The following BLNK variants were observed in gnomAD, a reference collection of about 807,000 sequenced individuals.
BLNK encodes B cell linker, also known as B-cell linker protein.
A neutral mutation model predicts 73.5 loss-of-function variants in BLNK; 29 were observed. That is an observed-to-expected ratio of 0.39 (90% CI 0.29 to 0.54). The LOEUF is 0.54. Ranked by LOEUF, BLNK falls within the 20% of genes least tolerant of loss-of-function variation. BLNK has a pLI of 0.61. For synonymous variants in BLNK, 176 were observed against 200.8 expected, an observed-to-expected ratio of 0.88 and a Z score of 1.04; for missense variants, 460 against 562.8, an observed-to-expected ratio of 0.82 and a Z score of 1.85.
chr10:96,246,089 A>G (rs1308396578), intron 2 of BLNK, among the ~76,000 whole-genome samples: 2 of 152,134 alleles, frequency 1.3e-5, no homozygotes, highest in Admixed American at 6.5e-5. Flanking sequence ...AGGTACGTCT[A>G]CCTTAGATTT....
At chr10:96,197,292 G>GA (rs1421940892) in intron 15 of BLNK, among the ~76,000 whole-genome samples, 2 of 151,248 alleles carry the variant, frequency 1.3e-5, no homozygotes, top group Non-Finnish European at 2.9e-5. Flanking sequence ...TGCCTTTTTT[G>GA]AAAAAAAGGT....
chr10:96,219,610 G>A (rs1554900685), intron 6 of BLNK, among the ~76,000 whole-genome samples: 1 of 152,126 alleles, frequency 6.6e-6, no homozygotes, highest in Non-Finnish European at 1.5e-5. Context: ...TCTTTCCTCT[G>A]TATTCTTAAT....
chr10:96,195,762 T>C (rs1265588694), intron 16 of BLNK, among the ~76,000 whole-genome samples: 1 of 152,248 alleles, frequency 6.6e-6, no homozygotes, highest in Non-Finnish European at 1.5e-5. Context: ...TACTGAGCTG[T>C]ACACTTAAAA....
At chr10:96,202,239 CA>C (rs1473987676) in intron 13 of BLNK, among the ~76,000 whole-genome samples, 1 of 152,058 alleles carries the variant, frequency 6.6e-6, no homozygotes, top group Non-Finnish European at 1.5e-5. Flanking sequence ...GGGTTTTGAA[CA>C]GGGGGGTAAC....
chr10:96,256,368 T>G (rs1805643923), intron 1 of BLNK, among the ~76,000 whole-genome samples: 1 of 152,230 alleles, frequency 6.6e-6, no homozygotes, highest in South Asian at 2.1e-4. Flanking sequence ...TTTTTTAAAC[T>G]TAAAATTTAA....
At chr10:96,264,342 G>A (rs939211941) in intron 1 of BLNK, among the ~76,000 whole-genome samples, 2 of 152,128 alleles carry the variant, frequency 1.3e-5, no homozygotes, top group African/African-American at 4.8e-5. Flanking sequence ...TTGGTTAGGT[G>A]GACTTAAAAG....
intron 16 of BLNK, among the ~76,000 whole-genome samples, chr10:96,193,027 A>G (rs587672088): frequency 6.6e-6 from 1 of 152,314 alleles, no homozygotes; most frequent in African/African-American, 2.4e-5. Context: ...AAGTAGCTAC[A>G]TATTGAATAA....
intron 1 of BLNK, among the ~76,000 whole-genome samples, chr10:96,250,868 G>A (rs1554908958): frequency 6.6e-6 from 1 of 152,186 alleles, no homozygotes; most frequent in East Asian, 1.9e-4. Context: ...AGTTACTGAA[G>A]TGTTGCATAA....
chr10:96,214,339 T>C (rs2084014482), intron 8 of BLNK, among the ~76,000 whole-genome samples: 1 of 152,038 alleles, frequency 6.6e-6, no homozygotes, highest in African/African-American at 2.4e-5. Flanking sequence ...ACCAGGAACA[T>C]TCATGGTTTG....
Position 96,191,644 on chromosome 10 carries a change from C to T in BLNK, c.*329G>A, listed in dbSNP as rs1275572373. The T allele has an allele frequency of 4.6e-6, 1 of 216,590 alleles. No individual in the cohort carries two copies. Among genetic ancestry groups the T allele is most frequent in the Non-Finnish European group, 9.2e-6 (1 of 108,436 alleles). 13.4% of individuals were successfully genotyped at this position (216,590 alleles called of 1,614,324 possible). On this transcript the variant is annotated 3_prime_UTR_variant, in exon 17 of 17. Transcript: ENST00000224337. Reference sequence around the variant, plus strand: ...TCATTGTGGAGGTTTAAATTTCCAGCCACTTTGTTTTATGCAAGAGCATTA... The same window carrying T: ...TCATTGTGGAGGTTTAAATTTCCAGTCACTTTGTTTTATGCAAGAGCATTA...
At chr10:96,249,707 G>C (rs1182702989) in intron 1 of BLNK, among the ~76,000 whole-genome samples, 1 of 152,212 alleles carries the variant, frequency 6.6e-6, no homozygotes, top group African/African-American at 2.4e-5. Flanking sequence ...GCGATGGCAG[G>C]GGGTGGTAGC....
At chr10:96,216,453 A>G in intron 7 of BLNK, 200 bp downstream of exon 7, 1 of 608,432 alleles carries the variant, frequency 1.6e-6, no homozygotes, top group South Asian at 1.9e-5. Flanking sequence ...AGGGGAAGGC[A>G]GGGAAGGGCT....
chr10:96,249,019 G>A (rs913887939), intron 1 of BLNK, among the ~76,000 whole-genome samples: 1 of 152,204 alleles, frequency 6.6e-6, no homozygotes, highest in Admixed American at 6.5e-5. Context: ...CTTAAAAAAT[G>A]TATAATAAAA....
intron 6 of BLNK, among the ~76,000 whole-genome samples, chr10:96,217,992 G>A (rs1554900225): frequency 2.6e-5 from 4 of 152,166 alleles, no homozygotes. Context: ...GAGATTAGAA[G>A]TCCAGTTTCA....
Position 96,242,907 on chromosome 10 carries a change from C to G in BLNK, c.114-123G>C, listed in dbSNP as rs1842923275. On this transcript the variant is annotated intron_variant, in intron 2 of 16. Transcript: ENST00000224337. ...AATAGCATAATGGCTTCTCTTGGACCAATCAATGGACAGATTTGATGTATT... is the reference window on the plus strand; with the variant it reads ...AATAGCATAATGGCTTCTCTTGGACGAATCAATGGACAGATTTGATGTATT... 4 of 842,104 alleles carry G rather than the reference C, an allele frequency of 4.8e-6. No homozygotes were observed. In the Admixed American group the frequency reaches 5.3e-5, roughly 11 times the overall value. The allele number at this position is 842,104 out of a possible 1,614,324, so 52.2% of individuals were successfully genotyped here.
intron 3 of BLNK, among the ~76,000 whole-genome samples, chr10:96,236,260 A>G (rs1842686369): frequency 6.6e-6 from 1 of 152,120 alleles, no homozygotes; most frequent in South Asian, 2.1e-4. Context: ...CTCCCCCAAC[A>G]GAGCAGGTGG....
In BLNK at chr10:96,200,074, C is replaced by T; in HGVS notation, c.1095+1G>A. ...ATAATAAATAATAAAAATGATCAGA[C>T]CTTGTTTGATCTGTGCAATGCCTCT... is the stretch of plus-strand genomic sequence containing the variant. On this transcript the variant is annotated splice_donor_variant, in intron 15 of 16. Coordinates refer to ENST00000224337, the MANE Select transcript of BLNK (RefSeq NM_013314.4). LOFTEE classifies it high-confidence loss of function. This position sits in a 1 kb window ranked among gnomAD's most constrained non-coding sequence, Gnocchi z 4.3. The T allele has an allele frequency of 6.3e-7, 1 of 1,587,880 alleles. No homozygotes were observed. The highest frequency in any genetic ancestry group is 8.6e-7 in the Non-Finnish European group (1 of 1,164,396).
chr10:96,225,408 T>G (rs1174924736), intron 5 of BLNK, among the ~76,000 whole-genome samples: 1 of 152,112 alleles, frequency 6.6e-6, no homozygotes, highest in Admixed American at 6.5e-5. Flanking sequence ...CAGCCCTCAC[T>G]CCTTGTTGAA....
intron 4 of BLNK, 22 bp from the exon 5 acceptor site, chr10:96,227,588 CTG>C (rs1842323784): frequency 6.2e-7 from 1 of 1,613,618 alleles, no homozygotes; most frequent in East Asian, 2.2e-5. Context: ...GATGCAGACA[CTG>C]TGCTCAGCAT....
Sources: gnomAD v4.1 joint callset for allele counts (sites outside exome capture counted in the v4.1 genomes callset) on GRCh38, gnomAD v4.1.1 for gene constraint, Gnocchi (gnomAD v3.1) non-coding constraint, MANE v1.5 for transcripts, NCBI Gene and HGNC (gene_info 2026-07-23, HGNC 2026-07-21) for gene names.